Variants in FRMD4B observed in about 807,000 individuals in gnomAD.
FRMD4B encodes the protein FERM domain containing 4B.
FRMD4B carries 74 observed loss-of-function variants against 141.5 expected under a neutral mutation model. The ratio of observed to expected loss-of-function variants is 0.52; its 90% CI spans 0.43 to 0.63. The LOEUF is 0.63. Among genes scored for constraint, FRMD4B ranks in the 30% least tolerant of loss-of-function variants. The pLI is 0.00. For synonymous variants in FRMD4B, 506 were observed against 467.9 expected (o/e 1.08, Z -1.05); for missense variants, 1,366 against 1,253.4 (o/e 1.09, Z -1.36).
At chr3:69,300,508 G>A (rs1701179565) in intron 4 of FRMD4B, among the ~76,000 whole-genome samples, 1 of 152,164 alleles carries the variant, frequency 6.6e-6, no homozygotes, top group African/African-American at 2.4e-5. Flanking sequence ...ATGAATGACT[G>A]TACAGAAAGG....
chr3:69,535,833 C>A (rs1701076397), intron 1 of FRMD4B: 1 of 472,298 alleles, frequency 2.1e-6, no homozygotes. Context: ...GGGCAGCTGC[C>A]CCTTTAGGAG....
intron 2 of FRMD4B, among the ~76,000 whole-genome samples, chr3:69,414,212 C>T (rs1279388305): frequency 3.9e-5 from 6 of 152,088 alleles, no homozygotes; most frequent in Non-Finnish European, 8.8e-5. Flanking sequence ...TTGCACAAAA[C>T]ACACAATACC....
intron 1 of FRMD4B, among the ~76,000 whole-genome samples, chr3:69,453,718 AAGG>A (rs1705536791): frequency 6.6e-6 from 1 of 152,220 alleles, no homozygotes; most frequent in Admixed American, 6.5e-5. Flanking sequence ...GAATTGGAAA[AAGG>A]AGGAGATGAT....
intron 1 of FRMD4B, among the ~76,000 whole-genome samples, chr3:69,489,224 A>G (rs1177707709): frequency 6.6e-6 from 1 of 151,582 alleles, no homozygotes; most frequent in African/African-American, 2.4e-5. Flanking sequence ...GGTAAAAAAT[A>G]TGATAGACAT....
intron 7 of FRMD4B, among the ~76,000 whole-genome samples, chr3:69,231,944 G>A (rs936145375): frequency 6.6e-6 from 1 of 152,212 alleles, no homozygotes; most frequent in African/African-American, 2.4e-5. Flanking sequence ...CTGTCTGGGA[G>A]CCTGAGGCTG....
chr3:69,193,548 T>G (rs1489800413), intron 17 of FRMD4B, 100 bp downstream of exon 17: 2 of 664,202 alleles, frequency 3.0e-6, no homozygotes, highest in Non-Finnish European at 5.2e-6. Context: ...ACCTGGTTCT[T>G]CCTTTGATCT....
At chr3:69,479,291 C>A (rs912624134) in intron 1 of FRMD4B, among the ~76,000 whole-genome samples, 21 of 151,522 alleles carry the variant, frequency 1.4e-4, no homozygotes, top group Non-Finnish European at 1.9e-4. Flanking sequence ...GATGCAGTTT[C>A]TTCCTAGCCT....
intron 7 of FRMD4B, among the ~76,000 whole-genome samples, chr3:69,242,186 G>T (rs72929598): frequency 0.033 from 5,001 of 152,222 alleles, 294 homozygotes; most frequent in African/African-American, 0.11. Context: ...ATAACAAGTG[G>T]CTGGGCCTGG....
intron 11 of FRMD4B, chr3:69,200,724 A>G (rs2092957366): frequency 1.6e-6 from 2 of 1,262,036 alleles, no homozygotes; most frequent in Non-Finnish European, 2.1e-6. Context: ...TTTGCCTGAT[A>G]CTTCCTAGGA....
intron 1 of FRMD4B, among the ~76,000 whole-genome samples, chr3:69,333,475 A>C (rs1234717996): frequency 6.6e-6 from 1 of 152,182 alleles, no homozygotes; most frequent in Non-Finnish European, 1.5e-5. Context: ...AGAATTAGAA[A>C]TCCTTGTAGA....
chr3:69,329,524 T>G (rs1321727998), intron 1 of FRMD4B, among the ~76,000 whole-genome samples: 5 of 113,738 alleles, frequency 4.4e-5, no homozygotes, highest in African/African-American at 2.0e-4. Flanking sequence ...TAATTTTTTT[T>G]TTTTTTTTTT....
chr3:69,176,524 C>T lies in FRMD4B; in HGVS notation c.2984G>A (p.Arg995Lys). Residue 995 changes from arginine to lysine, a missense_variant and splice_region_variant, in exon 22 of 23, where the codon AGA (arginine) becomes AAA (lysine). Physicochemically the swap from Arg to Lys is conservative, Grantham distance 26. Coordinates refer to ENST00000398540, the MANE Select transcript of FRMD4B (RefSeq NM_015123.3). The part of the protein sequence containing the change: ...NVYNPLPSPS[R>K]QYTEISQLDG... Reference sequence around the variant, plus strand: ...GGATTTTCGAGCATTGCTTCCTCACCTGCTTGGAGAGGGTAAAGGATTATA... The same window carrying T: ...GGATTTTCGAGCATTGCTTCCTCACTTGCTTGGAGAGGGTAAAGGATTATA... 6.2e-7 allele frequency: 1 copy of T among 1,611,290 alleles called. No homozygotes were observed. The highest frequency in any genetic ancestry group is 1.3e-5 in the African/African-American group (1 of 74,944).
chr3:69,221,579 C>G (rs1420815485), intron 9 of FRMD4B, among the ~76,000 whole-genome samples: 1 of 152,192 alleles, frequency 6.6e-6, no homozygotes, highest in Non-Finnish European at 1.5e-5. Flanking sequence ...TGCCTCTACT[C>G]AGGATGAAAG....
At chr3:69,484,254 G>T (rs889461592) in intron 1 of FRMD4B, among the ~76,000 whole-genome samples, 7 of 152,214 alleles carry the variant, frequency 4.6e-5, no homozygotes, top group African/African-American at 1.7e-4. Flanking sequence ...ATAAGCCTCT[G>T]TAAGATTGAC....
At chr3:69,428,716 A>G (rs1357383026) in intron 2 of FRMD4B, among the ~76,000 whole-genome samples, 1 of 152,144 alleles carries the variant, frequency 6.6e-6, no homozygotes, top group African/African-American at 2.4e-5. Flanking sequence ...CATCATTTAA[A>G]CCATTTTTAA....
intron 1 of FRMD4B, among the ~76,000 whole-genome samples, chr3:69,444,059 G>T (rs1208582137): frequency 6.6e-5 from 10 of 152,102 alleles, no homozygotes; most frequent in Admixed American, 6.5e-4. Context: ...CCACCCAGAG[G>T]CTGACAGCAC....
intron 1 of FRMD4B, among the ~76,000 whole-genome samples, chr3:69,337,126 G>C (rs1029278549): frequency 1.3e-5 from 2 of 152,004 alleles, no homozygotes; most frequent in African/African-American, 4.8e-5. Flanking sequence ...AAATGGAACA[G>C]AACAGAGCTC....
At chr3:69,441,238 T>C (rs1450759217) in intron 1 of FRMD4B, among the ~76,000 whole-genome samples, 2 of 152,252 alleles carry the variant, frequency 1.3e-5, no homozygotes, top group African/African-American at 4.8e-5. Flanking sequence ...CATTAAGCTT[T>C]AGCCACAGTG....
chr3:69,391,538 C>A (rs1160704447), intron 2 of FRMD4B, among the ~76,000 whole-genome samples: 1 of 151,932 alleles, frequency 6.6e-6, no homozygotes, highest in Non-Finnish European at 1.5e-5. Context: ...TCAGAATTAT[C>A]ATTTCATTTA....
Sources: gnomAD v4.1 joint callset for allele counts (sites outside exome capture counted in the v4.1 genomes callset) on GRCh38, gnomAD v4.1.1 for gene constraint, MANE v1.5 for transcripts, NCBI Gene and HGNC (gene_info 2026-07-23, HGNC 2026-07-21) for gene names.